Variants in SPON1 observed in about 807,000 individuals in gnomAD.
SPON1 encodes the protein spondin-1.
A neutral mutation model predicts 111.7 loss-of-function variants in SPON1; 52 were observed. That is an observed-to-expected ratio of 0.47 (90% CI 0.37 to 0.59). The LOEUF (loss-of-function observed/expected upper bound fraction) is 0.59. Ranked by LOEUF, SPON1 falls within the 20% of genes least tolerant of loss-of-function variation. The probability of loss-of-function intolerance (pLI) is 0.00; values close to 1 mark genes in which losing one functional copy is unlikely to be tolerated. For synonymous variants in SPON1, 410 were observed against 395.8 expected (o/e 1.04, Z -0.43); for missense variants, 957 against 1,068.5 (o/e 0.90, Z 1.46).
At chr11:14,054,029 C>A (rs1554918891) in intron 3 of SPON1, among the ~76,000 whole-genome samples, 1 of 152,200 alleles carries the variant, frequency 6.6e-6, no homozygotes, top group Non-Finnish European at 1.5e-5. Context: ...TTATTTACCT[C>A]CCTGCAAGCC....
intron 2 of SPON1, among the ~76,000 whole-genome samples, chr11:13,992,266 G>C (rs782258743): frequency 6.6e-6 from 1 of 152,338 alleles, no homozygotes; most frequent in African/African-American, 2.4e-5. Context: ...GCCCAGAGAA[G>C]AGAAATCTGG....
In SPON1 at chr11:13,977,126, A is replaced by G. The variant is rs1368061682; in HGVS notation, c.239-5721A>G. ...GGCTGAAGGGCATTTGAGTATTTCCACTTGGATGCTACTACAAATAATGTT... is the reference window on the plus strand; with the variant it reads ...GGCTGAAGGGCATTTGAGTATTTCCGCTTGGATGCTACTACAAATAATGTT... On this transcript the variant is annotated intron_variant, in intron 1 of 15. Transcript: ENST00000576479. Among the ~76,000 whole-genome samples, 5 of 152,294 alleles carry G rather than the reference A, an allele frequency of 3.3e-5. No individual in the cohort carries two copies. The South Asian group carries it at 8.3e-4, about 25-fold the overall frequency.
chr11:14,037,430 A>G (rs1280789103), intron 2 of SPON1, among the ~76,000 whole-genome samples: 3 of 152,126 alleles, frequency 2.0e-5, no homozygotes, highest in Non-Finnish European at 4.4e-5. Flanking sequence ...CCACACAAAT[A>G]TAGTCAACTG....
chr11:14,121,703 T>C (rs1847391039), intron 5 of SPON1, among the ~76,000 whole-genome samples: 1 of 152,332 alleles, frequency 6.6e-6, no homozygotes, highest in African/African-American at 2.4e-5. Flanking sequence ...TCTTTATTCC[T>C]TCATGTAGAT....
intron 2 of SPON1, among the ~76,000 whole-genome samples, chr11:14,036,784 C>T (rs782820180): frequency 6.6e-6 from 1 of 151,294 alleles, no homozygotes; most frequent in Non-Finnish European, 1.5e-5. Flanking sequence ...AGATGAGTAG[C>T]CAAAGAAAGT....
chr11:14,106,177 C>G (rs1849182915), intron 5 of SPON1, among the ~76,000 whole-genome samples: 1 of 152,198 alleles, frequency 6.6e-6, no homozygotes, highest in Admixed American at 6.5e-5. Context: ...AGCACGATGA[C>G]AACCCATGCA....
intron 3 of SPON1, among the ~76,000 whole-genome samples, chr11:14,042,465 G>A (rs1282082917): frequency 6.6e-6 from 1 of 152,064 alleles, no homozygotes; most frequent in East Asian, 1.9e-4. Context: ...TCACAGTTTG[G>A]TGAAACATAG....
At chr11:14,244,911 A>G (rs1848971435) in intron 7 of SPON1, among the ~76,000 whole-genome samples, 2 of 152,178 alleles carry the variant, frequency 1.3e-5, no homozygotes, top group African/African-American at 4.8e-5. Flanking sequence ...GCTGCACCTC[A>G]TACAGGCCAC....
intron 6 of SPON1, among the ~76,000 whole-genome samples, chr11:14,167,112 C>A (rs1554931927): frequency 1.3e-5 from 2 of 151,938 alleles, no homozygotes; most frequent in Non-Finnish European, 2.9e-5. Flanking sequence ...GGAACATATA[C>A]CAATAACACA....
intron 6 of SPON1, among the ~76,000 whole-genome samples, chr11:14,158,213 A>G (rs1847871473): frequency 1.3e-5 from 2 of 152,070 alleles, no homozygotes. Flanking sequence ...TCTTTTACTT[A>G]TGGTTCACTC....
In SPON1 at chr11:14,021,413, AAGC is replaced by A. The variant is rs1460171624; in HGVS notation, c.346-20105_346-20103del. ...CCTCAGGGACAAGGCTGCAGAAATG[AAGC>A]AGAAGTCAGGGCTGAGGGTTGTATA... On this transcript the variant is annotated intron_variant, in intron 2 of 15. Coordinates refer to ENST00000576479, the MANE Select transcript of SPON1 (RefSeq NM_006108.4). 2.8e-4 allele frequency among the ~76,000 whole-genome samples: 42 copies of A among 152,254 alleles called. No individual in the cohort carries two copies. In the East Asian group the frequency reaches 8.1e-3, roughly 29 times the overall value.
chr11:14,123,738 A>G (rs1437481313), intron 5 of SPON1, among the ~76,000 whole-genome samples: 1 of 152,168 alleles, frequency 6.6e-6, no homozygotes, highest in African/African-American at 2.4e-5. Flanking sequence ...TAATTGCCCC[A>G]AATTCTTACC....
At chr11:14,027,171 G>A (rs963963035) in intron 2 of SPON1, among the ~76,000 whole-genome samples, 1 of 152,184 alleles carries the variant, frequency 6.6e-6, no homozygotes, top group Non-Finnish European at 1.5e-5. Context: ...GGTCAGGGGT[G>A]GGGAGCATCC....
chr11:14,173,099 G>A (rs1848127219), intron 6 of SPON1, among the ~76,000 whole-genome samples: 1 of 151,824 alleles, frequency 6.6e-6, no homozygotes, highest in South Asian at 2.1e-4. Flanking sequence ...TTCCAACTTG[G>A]TTCCATTCTC....
At chr11:14,231,525 T>G (rs1391990933) in intron 6 of SPON1, among the ~76,000 whole-genome samples, 1 of 152,210 alleles carries the variant, frequency 6.6e-6, no homozygotes, top group Non-Finnish European at 1.5e-5. Context: ...CTCAGCCTTT[T>G]GCTTGCTCCC....
chr11:14,124,504 G>A (rs1847433267), intron 5 of SPON1, among the ~76,000 whole-genome samples: 1 of 152,112 alleles, frequency 6.6e-6, no homozygotes, highest in Admixed American at 6.5e-5. Context: ...TATCTTCCAT[G>A]CCCTTCACAC....
chr11:14,244,556 G>A (rs1465146353), intron 7 of SPON1, among the ~76,000 whole-genome samples: 1 of 150,044 alleles, frequency 6.7e-6, no homozygotes, highest in Non-Finnish European at 1.5e-5. Context: ...CAGCTAGCCT[G>A]GGCAACATGG....
At chr11:14,251,681 C>A (rs1554940674) in intron 7 of SPON1, among the ~76,000 whole-genome samples, 2 of 152,212 alleles carry the variant, frequency 1.3e-5, no homozygotes, top group Admixed American at 1.3e-4. Context: ...AGGAAACCTG[C>A]CTCCCAGGGG....
intron 6 of SPON1, among the ~76,000 whole-genome samples, chr11:14,234,639 G>A (rs182509114): frequency 3.0e-4 from 45 of 152,292 alleles, no homozygotes; most frequent in South Asian, 1.4e-3. Flanking sequence ...CCCACCCACC[G>A]GAGGCAGCCC....
Sources: gnomAD v4.1 joint callset for allele counts (sites outside exome capture counted in the v4.1 genomes callset) on GRCh38, gnomAD v4.1.1 for gene constraint, MANE v1.5 for transcripts, NCBI Gene and HGNC (gene_info 2026-07-23, HGNC 2026-07-21) for gene names.